The following C2orf76 variants were observed in gnomAD, a reference collection of about 807,000 sequenced individuals.
C2orf76 encodes chromosome 2 open reading frame 76.
A neutral mutation model predicts 16.9 loss-of-function variants in C2orf76; 23 were observed. The observed-to-expected ratio is 1.36, with a 90% CI of 0.98 to 1.93. The LOEUF is 1.93. C2orf76 is among the 30% of genes most tolerant of loss of function. C2orf76 has a pLI of 0.00. For missense variants in C2orf76, 152 were observed against 152.6 expected, an observed-to-expected ratio of 1.00 and a Z score of 0.02; for synonymous variants, 48 against 52.3, an observed-to-expected ratio of 0.92 and a Z score of 0.35.
chr2:119,289,785 G>C, the C2orf76 span, among the ~76,000 whole-genome samples: 6 of 151,664 alleles, frequency 4.0e-5, no homozygotes, highest in African/African-American at 1.5e-4. Context: ...TGCCACTTTA[G>C]ACCTTGTCTC....
At chr2:119,321,112 ATT>A in intron 3 of C2orf76, 40 bp downstream of exon 3, 1 of 1,045,414 alleles carries the variant, frequency 9.6e-7, no homozygotes, top group Non-Finnish European at 1.3e-6. Context: ...CTAATGCAAA[ATT>A]GTATTTATAT....
intron 2 of C2orf76, among the ~76,000 whole-genome samples, chr2:119,339,575 T>TAAA (rs11443971): frequency 1.4e-5 from 2 of 141,674 alleles, no homozygotes. Flanking sequence ...TACTTTTAAT[T>TAAA]AAAAAAAAAA....
intron 4 of C2orf76, among the ~76,000 whole-genome samples, chr2:119,313,735 C>A (rs1679073780): frequency 6.6e-6 from 1 of 152,126 alleles, no homozygotes; most frequent in Non-Finnish European, 1.5e-5. Context: ...GGACTGGGAC[C>A]ACTGAGAGGA....
chr2:119,361,588 A>G (rs970421786), intron 1 of C2orf76, among the ~76,000 whole-genome samples: 2 of 152,204 alleles, frequency 1.3e-5, no homozygotes, highest in Non-Finnish European at 2.9e-5. Flanking sequence ...TAAAGTATAC[A>G]GAAGAATGTG....
chr2:119,331,162 T>G (rs1015126171), intron 2 of C2orf76, among the ~76,000 whole-genome samples: 1 of 152,222 alleles, frequency 6.6e-6, no homozygotes, highest in African/African-American at 2.4e-5. Context: ...TAAGCTTTCT[T>G]GAGCTTTCTT....
intron 2 of C2orf76, among the ~76,000 whole-genome samples, chr2:119,327,899 A>G (rs1034423950): frequency 1.3e-5 from 2 of 152,232 alleles, no homozygotes; most frequent in Non-Finnish European, 2.9e-5. Flanking sequence ...AGTTTGGGCA[A>G]GAATTTTTAC....
chr2:119,316,714 G>C (rs184338074), intron 4 of C2orf76, among the ~76,000 whole-genome samples: 2 of 152,214 alleles, frequency 1.3e-5, no homozygotes, highest in Admixed American at 1.3e-4. Flanking sequence ...ACTGTGCTAG[G>C]TATTGGGATA....
intron 2 of C2orf76, among the ~76,000 whole-genome samples, chr2:119,332,695 G>T (rs72829490): frequency 6.6e-6 from 1 of 152,106 alleles, no homozygotes; most frequent in South Asian, 2.1e-4. Flanking sequence ...TTTTACTCTC[G>T]TTCCAAAGAC....
intron 2 of C2orf76, among the ~76,000 whole-genome samples, chr2:119,329,868 A>T (rs568465068): frequency 2.8e-4 from 42 of 152,068 alleles, no homozygotes; most frequent in Non-Finnish European, 5.3e-4. Context: ...TTTCAAAATA[A>T]GAAAAAATAT....
chr2:119,337,119 A>G (rs1454181746), intron 2 of C2orf76, among the ~76,000 whole-genome samples: 8 of 151,582 alleles, frequency 5.3e-5, no homozygotes, highest in Admixed American at 5.3e-4. Context: ...GCAGTAGTGC[A>G]ATCAAAGCTC....
intron 1 of C2orf76, among the ~76,000 whole-genome samples, chr2:119,362,761 C>T (rs1448859363): frequency 1.3e-5 from 2 of 152,058 alleles, no homozygotes; most frequent in Non-Finnish European, 2.9e-5. Context: ...CAGAATCTTC[C>T]ACTCCCAAGC....
At chr2:119,349,386 C>T (rs1305594035) in intron 1 of C2orf76, among the ~76,000 whole-genome samples, 1 of 152,156 alleles carries the variant, frequency 6.6e-6, no homozygotes, top group African/African-American at 2.4e-5. Context: ...GAGGGAAAGG[C>T]TAGGAACTTA....
At chr2:119,365,627 G>A (rs1680926107) in intron 1 of C2orf76, among the ~76,000 whole-genome samples, 1 of 152,180 alleles carries the variant, frequency 6.6e-6, no homozygotes, top group South Asian at 2.1e-4. Context: ...ATGAATTAGA[G>A]AGGAATGACT....
At chr2:119,333,501 C>G (rs1364900963) in intron 2 of C2orf76, among the ~76,000 whole-genome samples, 2 of 152,236 alleles carry the variant, frequency 1.3e-5, no homozygotes, top group Non-Finnish European at 2.9e-5. Flanking sequence ...AAGGCATAAA[C>G]TGACATTCAG....
At chr2:119,293,478 G>A in the C2orf76 span, among the ~76,000 whole-genome samples, 1 of 152,236 alleles carries the variant, frequency 6.6e-6, no homozygotes, top group South Asian at 2.1e-4. Context: ...TCTGAGTAAG[G>A]GTTTTGAACT....
In C2orf76 at chr2:119,302,850, G is replaced by T. The variant is rs1054903084; in HGVS notation, c.305-302C>A. Among the ~76,000 whole-genome samples the T allele has an allele frequency of 5.4e-4, 82 of 152,008 alleles. 1 individual carries two copies. Among genetic ancestry groups the T allele is most frequent in the African/African-American group, 2.0e-3 (82 of 41,388 alleles). On this transcript the variant is annotated intron_variant, in intron 5 of 5. Coordinates refer to ENST00000334816, the MANE Select transcript of C2orf76 (RefSeq NM_001322331.2). ...CTGGTTTTCAGGAAATCATAAAATT[G>T]CTCATTTACAGTCTTTTTTACAGTG... is the stretch of plus-strand genomic sequence containing the variant.
chr2:119,281,956 T>C, the C2orf76 span, among the ~76,000 whole-genome samples: 48 of 152,184 alleles, frequency 3.2e-4, no homozygotes, highest in African/African-American at 1.1e-3. Flanking sequence ...GTTGTACATG[T>C]TCTGGAAAGT....
At chr2:119,340,154 C>T (rs1226072380) in intron 1 of C2orf76, 183 bp from the exon 2 acceptor site, 2 of 545,492 alleles carry the variant, frequency 3.7e-6, no homozygotes, top group Non-Finnish European at 6.4e-6. Context: ...AGTGATTATA[C>T]CCACCTATCC....
the C2orf76 span, among the ~76,000 whole-genome samples, chr2:119,294,300 G>C: frequency 7.9e-4 from 121 of 152,308 alleles, no homozygotes; most frequent in Non-Finnish European, 1.5e-3. Context: ...AACCTTTGGT[G>C]ACCTTGGCAA....
Sources: gnomAD v4.1 joint callset for allele counts (sites outside exome capture counted in the v4.1 genomes callset) on GRCh38, gnomAD v4.1.1 for gene constraint, MANE v1.5 for transcripts, NCBI Gene and HGNC (gene_info 2026-07-23, HGNC 2026-07-21) for gene names.